The following CHN1 variants were observed in gnomAD, a reference collection of about 807,000 sequenced individuals.
CHN1 encodes chimerin 1.
A neutral mutation model predicts 59.5 loss-of-function variants in CHN1; 37 were observed. The ratio of observed to expected loss-of-function variants is 0.62; its 90% CI spans 0.48 to 0.82. The LOEUF (loss-of-function observed/expected upper bound fraction) is 0.82. CHN1 is among the 40% of genes least tolerant of loss of function. CHN1 has a pLI of 0.00. For synonymous variants in CHN1, 206 were observed against 200.4 expected, an observed-to-expected ratio of 1.03 and a Z score of -0.24; for missense variants, 469 against 571.0, an observed-to-expected ratio of 0.82 and a Z score of 1.82.
chr2:175,003,789 T>C (rs1264551113), intron 1 of CHN1, among the ~76,000 whole-genome samples: 5 of 152,180 alleles, frequency 3.3e-5, no homozygotes, highest in Non-Finnish European at 5.9e-5. Context: ...AGGCTCAGTT[T>C]TGCCACAAAA....
chr2:174,900,722 T>C (rs961120276), intron 5 of CHN1, among the ~76,000 whole-genome samples: 5 of 151,864 alleles, frequency 3.3e-5, no homozygotes, highest in African/African-American at 1.2e-4. Context: ...GGAGAATCGC[T>C]TGAACCCAGG....
At chr2:174,982,797 A>G (rs1022460142) in intron 1 of CHN1, among the ~76,000 whole-genome samples, 1 of 152,216 alleles carries the variant, frequency 6.6e-6, no homozygotes, top group Non-Finnish European at 1.5e-5. Context: ...TAAAATAAAC[A>G]GTTATATATC....
chr2:174,885,366 A>G (rs1277435321), intron 5 of CHN1, among the ~76,000 whole-genome samples: 1 of 152,146 alleles, frequency 6.6e-6, no homozygotes, highest in Non-Finnish European at 1.5e-5. Context: ...TTTGCTGGAC[A>G]TAATTTAAAA....
At chr2:174,985,250 C>T (rs541133852) in intron 1 of CHN1, among the ~76,000 whole-genome samples, 1 of 152,268 alleles carries the variant, frequency 6.6e-6, no homozygotes, top group South Asian at 2.1e-4. Flanking sequence ...TCCCTACCAA[C>T]CTCAACATAA....
intron 5 of CHN1, among the ~76,000 whole-genome samples, chr2:174,900,793 G>GA (rs1688365932): frequency 6.7e-6 from 1 of 149,444 alleles, no homozygotes; most frequent in South Asian, 2.1e-4. Flanking sequence ...CAAAAAGAGC[G>GA]AAACTCCATC....
intron 8 of CHN1, among the ~76,000 whole-genome samples, chr2:174,813,918 A>G (rs1301959296): frequency 6.6e-6 from 1 of 152,244 alleles, no homozygotes; most frequent in Non-Finnish European, 1.5e-5. Flanking sequence ...ATGTTGTAAA[A>G]TGCTAGACAA....
intron 7 of CHN1, among the ~76,000 whole-genome samples, chr2:174,829,690 C>T (rs532665068): frequency 2.0e-5 from 3 of 152,210 alleles, no homozygotes; most frequent in East Asian, 1.9e-4. Context: ...ATGAACATTA[C>T]GGGAAATAAA....
chr2:174,955,182 A>C (rs1558996559), intron 1 of CHN1, among the ~76,000 whole-genome samples: 1 of 10,212 alleles, frequency 9.8e-5, no homozygotes, highest in African/African-American at 2.2e-4. Flanking sequence ...ATATATCTAT[A>C]TCTATATATA....
chr2:174,799,388 A>C lies in CHN1; in HGVS notation c.*728T>G. 2.3e-6 allele frequency: 1 copy of C among 426,970 alleles called. No homozygotes were observed. Among genetic ancestry groups the C allele is most frequent in the East Asian group, 4.9e-5 (1 of 20,492 alleles). The allele number at this position is 426,970 out of a possible 1,614,324, so 26.4% of individuals were successfully genotyped here. On this transcript the variant is annotated 3_prime_UTR_variant, in exon 13 of 13. Coordinates refer to ENST00000409900, the MANE Select transcript of CHN1 (RefSeq NM_001822.7). ...TATTCTTATGAGAAAAAAGTAAGCTATCAATATTTTTTATTTCTAAAAGCC... is the reference window on the plus strand; with the variant it reads ...TATTCTTATGAGAAAAAAGTAAGCTCTCAATATTTTTTATTTCTAAAAGCC...
intron 1 of CHN1, among the ~76,000 whole-genome samples, chr2:174,999,736 A>G (rs2105473252): frequency 6.6e-6 from 1 of 152,340 alleles, no homozygotes; most frequent in South Asian, 2.1e-4. Flanking sequence ...AAACAGATAC[A>G]TAGTATATCT....
chr2:174,949,470 C>T (rs963840207), intron 2 of CHN1, among the ~76,000 whole-genome samples: 17 of 152,126 alleles, frequency 1.1e-4, no homozygotes, highest in African/African-American at 4.1e-4. Flanking sequence ...GTTCCTCCCA[C>T]CTCCACCTCC....
chr2:174,803,963 T>G (rs1269061788), intron 11 of CHN1, among the ~76,000 whole-genome samples: 1 of 152,198 alleles, frequency 6.6e-6, no homozygotes, highest in African/African-American at 2.4e-5. Context: ...GGGAGAACTG[T>G]GAGATAGTGT....
At chr2:174,876,207 T>C in intron 6 of CHN1, among the ~76,000 whole-genome samples, 1 of 152,214 alleles carries the variant, frequency 6.6e-6, no homozygotes, top group Non-Finnish European at 1.5e-5. Flanking sequence ...TGAAGTCAAA[T>C]GACTTGCCTA....
chr2:174,927,343 C>T (rs569956123), intron 3 of CHN1, among the ~76,000 whole-genome samples: 165 of 152,284 alleles, frequency 1.1e-3, no homozygotes, highest in African/African-American at 2.9e-3. Context: ...CAGGCATGAG[C>T]CACCATGCTG....
At chr2:174,810,391 T>G (rs1375242526) in intron 10 of CHN1, among the ~76,000 whole-genome samples, 2 of 152,180 alleles carry the variant, frequency 1.3e-5, no homozygotes, top group African/African-American at 4.8e-5. Flanking sequence ...TTACTGGTGT[T>G]TTCAGGTCAC....
chr2:174,973,581 C>T lies in CHN1; in HGVS notation c.20-21379G>A, dbSNP rs117660048. 1.4e-3 allele frequency among the ~76,000 whole-genome samples: 208 copies of T among 152,308 alleles called. 7 individuals are homozygous for T. The East Asian group carries it at 0.038, about 28-fold the overall frequency. On this transcript the variant is annotated intron_variant, in intron 1 of 12. Coordinates refer to ENST00000409900, the MANE Select transcript of CHN1 (RefSeq NM_001822.7). ...AAGCAAAAGATGAAGGATGCCTGGG[C>T]ACTTCACTTCTGGGTGCTCAGGAGG...
chr2:175,003,717 C>T (rs1471970291), intron 1 of CHN1, among the ~76,000 whole-genome samples: 2 of 152,152 alleles, frequency 1.3e-5, no homozygotes. Flanking sequence ...AATGGCACTT[C>T]TAGTAATGCA....
At chr2:174,830,465 C>T (rs560332447) in intron 7 of CHN1, among the ~76,000 whole-genome samples, 6 of 152,268 alleles carry the variant, frequency 3.9e-5, no homozygotes, top group African/African-American at 1.2e-4. Flanking sequence ...GTCAAAACTA[C>T]TAACCACCCT....
intron 9 of CHN1, among the ~76,000 whole-genome samples, 175 bp from the exon 10 acceptor site, chr2:174,811,763 A>C (rs528092600): frequency 6.6e-6 from 1 of 152,322 alleles, no homozygotes; most frequent in Admixed American, 6.5e-5. Context: ...TTTAACTCTT[A>C]CCTATTGTCA....
Sources: allele counts gnomAD v4.1 joint callset (sites outside exome capture counted in the v4.1 genomes callset), GRCh38; gene constraint gnomAD v4.1.1; transcripts MANE v1.5; gene names NCBI Gene and HGNC (gene_info 2026-07-23, HGNC 2026-07-21).